GDAP1: variants seen among roughly 807,000 people sequenced by gnomAD.
GDAP1 encodes the protein ganglioside-induced differentiation-associated protein 1.
Under a neutral mutation model 40.1 loss-of-function variants are expected in GDAP1, and 34 were observed. The ratio of observed to expected loss-of-function variants is 0.85; its 90% CI spans 0.64 to 1.13. The LOEUF (loss-of-function observed/expected upper bound fraction) is 1.13. GDAP1 is among the 50% of genes most tolerant of loss of function. The pLI is 0.00. For missense variants in GDAP1, 374 were observed against 433.7 expected, an observed-to-expected ratio of 0.86 and a Z score of 1.22; for synonymous variants, 170 against 157.4, an observed-to-expected ratio of 1.08 and a Z score of -0.60.
rs7844637 is a variant in GDAP1, at chr8:74,431,965, G to A, written c.166-56713G>A. ...ATTACCTCATAGGATTCTTGAGGCA[G>A]TTAAATGAAATGTTTTGTGTGAAGT... On this transcript the variant is annotated intron_variant, in intron 2 of 2. Coordinates refer to the GDAP1 transcript ENST00000523640. 7.8e-3 allele frequency among the ~76,000 whole-genome samples: 1,187 copies of A among 152,288 alleles called. 22 individuals are homozygous for A. The highest frequency in any genetic ancestry group is 0.027 in the African/African-American group (1,126 of 41,552).
intron 2 of GDAP1, among the ~76,000 whole-genome samples, chr8:74,414,031 G>A (rs751397316): frequency 6.7e-6 from 1 of 150,180 alleles, no homozygotes; most frequent in African/African-American, 2.5e-5. Flanking sequence ...ACCAAATTCC[G>A]ACACTAGTCA....
At chr8:74,379,547 C>A (rs1309617562) in intron 2 of GDAP1, among the ~76,000 whole-genome samples, 1 of 152,096 alleles carries the variant, frequency 6.6e-6, no homozygotes, top group Non-Finnish European at 1.5e-5. Flanking sequence ...AGACTTCTGG[C>A]ATTTGAAATG....
chr8:74,361,642 G>A (rs1029143346), intron 3 of GDAP1, among the ~76,000 whole-genome samples: 6 of 152,166 alleles, frequency 3.9e-5, no homozygotes, highest in Admixed American at 6.5e-5. Flanking sequence ...TGATCCTCCC[G>A]CCTCGGCCTC....
chr8:74,405,705 T>A (rs1351354410), intron 2 of GDAP1, among the ~76,000 whole-genome samples: 3 of 150,214 alleles, frequency 2.0e-5, no homozygotes, highest in Admixed American at 6.6e-5. Flanking sequence ...CCTATTATTT[T>A]CAAAATTGTT....
intron 2 of GDAP1, chr8:74,376,695 CTGAG>C (rs1809859795): frequency 6.6e-6 from 1 of 152,240 alleles, no homozygotes; most frequent in Middle Eastern, 3.2e-3. Context: ...TAGGCTGGCT[CTGAG>C]TGCGGTGGTG....
chr8:74,465,523 C>T (rs1806458168), intron 2 of GDAP1, among the ~76,000 whole-genome samples: 1 of 152,204 alleles, frequency 6.6e-6, no homozygotes, highest in Non-Finnish European at 1.5e-5. Context: ...ACTTCTCCTT[C>T]TCATCTTTCC....
At chr8:74,402,488 C>T (rs1810363771) in intron 2 of GDAP1, among the ~76,000 whole-genome samples, 2 of 150,392 alleles carry the variant, frequency 1.3e-5, no homozygotes. Flanking sequence ...AAGGGAACTC[C>T]CTGACCCCTT....
At chr8:74,361,104 T>A (rs1809340150) in intron 3 of GDAP1, among the ~76,000 whole-genome samples, 1 of 152,132 alleles carries the variant, frequency 6.6e-6, no homozygotes, top group Non-Finnish European at 1.5e-5. Context: ...TTCCTTTTTC[T>A]CCACTGCCCT....
chr8:74,477,145 A>T (rs567266806), intron 2 of GDAP1, among the ~76,000 whole-genome samples: 1 of 152,288 alleles, frequency 6.6e-6, no homozygotes, highest in East Asian at 1.9e-4. Context: ...AGTCAGTTAC[A>T]TTCTTTTCTC....
intron 2 of GDAP1, among the ~76,000 whole-genome samples, chr8:74,408,398 A>G (rs1256110072): frequency 2.0e-5 from 3 of 150,134 alleles, no homozygotes; most frequent in Non-Finnish European, 4.4e-5. Context: ...CCCCAGTGTG[A>G]TGGCATTAGG....
intron 2 of GDAP1, among the ~76,000 whole-genome samples, chr8:74,433,363 T>G (rs1431015444): frequency 6.6e-6 from 1 of 152,200 alleles, no homozygotes; most frequent in Non-Finnish European, 1.5e-5. Context: ...GATCATTTGG[T>G]CTTGTTTAAT....
At chr8:74,407,150 A>G (rs1442173865) in intron 2 of GDAP1, among the ~76,000 whole-genome samples, 1 of 150,014 alleles carries the variant, frequency 6.7e-6, no homozygotes, top group African/African-American at 2.5e-5. Flanking sequence ...AAAAATTGTG[A>G]TCTGGGTGCG....
At chr8:74,375,063 T>C (rs13270014) in intron 2 of GDAP1, among the ~76,000 whole-genome samples, 151,366 of 152,318 alleles carry the variant, frequency 0.99, 75,216 homozygotes, top group East Asian at 1. Flanking sequence ...TGTGGAGGCT[T>C]ATGCCTGTAA....
rs1451545558 is a variant in GDAP1 at position 74,451,876 on chromosome 8, T to C, written c.166-36802T>C. The stretch of plus-strand genomic sequence containing the variant: ...AAAAGATTACCTTTGTGCTTTTGTT[T>C]TATAGCAGTTGACATAAATGTGCCT... On this transcript the variant is annotated intron_variant, in intron 2 of 2. Transcript: ENST00000523640. Among the ~76,000 whole-genome samples, 2 of 82,472 alleles carry C rather than the reference T, an allele frequency of 2.4e-5. 1 individual carries two copies. Among genetic ancestry groups the C allele is most frequent in the African/African-American group, 1.1e-4 (2 of 18,872 alleles). 54.1% of individuals were successfully genotyped at this position (82,472 alleles called of 152,430 possible). A position where few individuals can be genotyped will look rare whatever the true frequency, so the allele number is the denominator to read the frequency against.
In GDAP1 at chr8:74,425,446, A is replaced by G. The variant is rs113076927; in HGVS notation, c.166-63232A>G. ...CCAAATACATTTTTTAAAACCAGAC[A>G]TTAAAAGGTTAACTGTGGTTGTATG... On this transcript the variant is annotated intron_variant, in intron 2 of 2. Transcript: ENST00000523640. Among the ~76,000 whole-genome samples, 1,331 of 152,332 alleles carry G rather than the reference A, an allele frequency of 8.7e-3. 10 individuals are homozygous for G. Among genetic ancestry groups the G allele is most frequent in the African/African-American group, 0.029 (1,224 of 41,570 alleles).
At chr8:74,446,052 A>C (rs1368200482) in intron 2 of GDAP1, among the ~76,000 whole-genome samples, 3 of 152,154 alleles carry the variant, frequency 2.0e-5, no homozygotes, top group African/African-American at 7.2e-5. Flanking sequence ...CTGCCCAACA[A>C]AATAGCAAAC....
chr8:74,435,194 T>C (rs1334451258), intron 2 of GDAP1, among the ~76,000 whole-genome samples: 1 of 152,196 alleles, frequency 6.6e-6, no homozygotes, highest in Non-Finnish European at 1.5e-5. Flanking sequence ...GAATCTAAGA[T>C]ACTGAGAGAT....
At chr8:74,398,648 C>A (rs540158002) in intron 2 of GDAP1, among the ~76,000 whole-genome samples, 6 of 152,218 alleles carry the variant, frequency 3.9e-5, no homozygotes, top group African/African-American at 1.4e-4. Context: ...GGAGTGCTTC[C>A]AGTTTTTGCC....
intron 2 of GDAP1, among the ~76,000 whole-genome samples, chr8:74,443,879 T>C (rs2131573585): frequency 6.6e-6 from 1 of 152,222 alleles, no homozygotes; most frequent in African/African-American, 2.4e-5. Context: ...ATTTCAGCCC[T>C]CTGCACAGTT....
Sources: allele counts gnomAD v4.1 joint callset (sites outside exome capture counted in the v4.1 genomes callset), GRCh38; gene constraint gnomAD v4.1.1; transcripts MANE v1.5; gene names NCBI Gene and HGNC (gene_info 2026-07-23, HGNC 2026-07-21).